The following SCAF11 variants were observed in gnomAD, a reference collection of about 807,000 sequenced individuals.
The protein encoded by SCAF11 is protein SCAF11.
A neutral mutation model predicts 140.5 loss-of-function variants in SCAF11; 47 were observed. That is an observed-to-expected ratio of 0.33 (90% CI 0.26 to 0.43). SCAF11 has a LOEUF of 0.43. Among genes scored for constraint, SCAF11 ranks in the 20% least tolerant of loss-of-function variants. The pLI is 1.00. For missense variants in SCAF11, 1,645 were observed against 1,705.1 expected (o/e 0.96, Z 0.62); for synonymous variants, 557 against 579.4 (o/e 0.96, Z 0.55).
In SCAF11 at chr12:45,943,555, AG is replaced by A. The variant is rs541010820; in HGVS notation, c.463+1693del. 9.2e-3 allele frequency among the ~76,000 whole-genome samples: 1,397 copies of A among 152,316 alleles called. 9 individuals carry two copies. Among genetic ancestry groups the A allele is most frequent in the Middle Eastern group, 0.017 (5 of 294 alleles). On this transcript the variant is annotated intron_variant, in intron 6 of 14. Transcript: ENST00000369367. Reference sequence around the variant, plus strand: ...AACTTTATCATGGGTATGTACATATAGGAAAAAACAAAATATACACAGAGTT... The same window carrying A: ...AACTTTATCATGGGTATGTACATATAGAAAAAACAAAATATACACAGAGTT...
In SCAF11 at chr12:45,922,983, C is replaced by T; in HGVS notation, c.4078G>A (p.Val1360Ile). 1 of 1,614,234 alleles carries T rather than the reference C, an allele frequency of 6.2e-7. No individual in the cohort carries two copies. Among genetic ancestry groups the T allele is most frequent in the South Asian group, 1.1e-5 (1 of 91,088 alleles). The change falls in exon 13 of 15, where the codon GTA becomes ATA. Residue 1360 changes from valine (V) to isoleucine (I), a missense_variant. Physicochemically the swap from Val to Ile is conservative, Grantham distance 29. Transcript: ENST00000369367. ...GCGCTGGCTTCCACTGCAACACTTA[C>T]TTTGCTTTCTGCCAATTTTACAGCA... Reference protein sequence around the residue: ...NAAVKLAESKVSVAVEASADS... With the variant: ...NAAVKLAESKISVAVEASADS...
At chr12:45,950,787 A>T (rs1945531437) in intron 4 of SCAF11, among the ~76,000 whole-genome samples, 1 of 152,170 alleles carries the variant, frequency 6.6e-6, no homozygotes, top group Non-Finnish European at 1.5e-5. Flanking sequence ...AAAGACAAAT[A>T]ATTAAATAGT....
chr12:45,936,120 T>C (rs895837946), intron 6 of SCAF11, among the ~76,000 whole-genome samples: 1 of 151,946 alleles, frequency 6.6e-6, no homozygotes, highest in Non-Finnish European at 1.5e-5. Flanking sequence ...ATAACACCCT[T>C]ATACTACTCT....
intron 1 of SCAF11, chr12:45,974,086 C>G (rs1364997450): frequency 2.4e-6 from 1 of 412,300 alleles, no homozygotes. Context: ...GCAAGTCACA[C>G]AAAATTTTTG....
intron 1 of SCAF11, among the ~76,000 whole-genome samples, chr12:45,978,071 A>G (rs1240869347): frequency 1.3e-5 from 2 of 152,214 alleles, no homozygotes; most frequent in African/African-American, 2.4e-5. Context: ...ATTTAAGAAA[A>G]TACAAATGAG....
intron 1 of SCAF11, among the ~76,000 whole-genome samples, chr12:45,970,527 G>T (rs1260194363): frequency 1.3e-5 from 2 of 152,228 alleles, no homozygotes; most frequent in African/African-American, 4.8e-5. Flanking sequence ...AGGGAAAGTA[G>T]AAGCAGTCTC....
intron 6 of SCAF11, among the ~76,000 whole-genome samples, chr12:45,938,564 G>C (rs1422468652): frequency 6.6e-6 from 1 of 151,964 alleles, no homozygotes; most frequent in African/African-American, 2.4e-5. Context: ...GTAGAGATTT[G>C]GGATGAGAGG....
chr12:45,972,855 T>G (rs1403514019), intron 1 of SCAF11, among the ~76,000 whole-genome samples: 1 of 127,788 alleles, frequency 7.8e-6, no homozygotes, highest in Non-Finnish European at 1.6e-5. Flanking sequence ...CCAGTATATA[T>G]ATATATATCG....
At chr12:45,942,017 T>C (rs1945314052) in intron 6 of SCAF11, among the ~76,000 whole-genome samples, 1 of 152,218 alleles carries the variant, frequency 6.6e-6, no homozygotes, top group Non-Finnish European at 1.5e-5. Flanking sequence ...CAATGAACAG[T>C]AAATGTATTT....
rs149461689 is a variant in SCAF11, at chr12:45,952,616, T to C, written c.220-889A>G. Among the ~76,000 whole-genome samples, 1,098 of 152,316 alleles carry C rather than the reference T, an allele frequency of 7.2e-3. 10 individuals carry two copies. The highest frequency in any genetic ancestry group is 0.025 in the African/African-American group (1,039 of 41,574). ...ATTATCTTGCTTTATTTCCTGTCCT[T>C]TTAAAATTCCTGTGCATCAACTCTA... On this transcript the variant is annotated intron_variant, in intron 3 of 14. Coordinates refer to ENST00000369367, the MANE Select transcript of SCAF11 (RefSeq NM_004719.3).
At chr12:45,958,200 T>C (rs1945744387) in intron 3 of SCAF11, among the ~76,000 whole-genome samples, 2 of 152,154 alleles carry the variant, frequency 1.3e-5, no homozygotes, top group South Asian at 4.1e-4. Flanking sequence ...CCATCATGCC[T>C]GGCCAATAAA....
chr12:45,961,150 A>G (rs1945816168), intron 3 of SCAF11: 1 of 548,504 alleles, frequency 1.8e-6, no homozygotes, highest in Non-Finnish European at 3.3e-6. Flanking sequence ...CAGGAATTAG[A>G]AAATCAGTTC....
chr12:45,963,551 T>A (rs1945872680), intron 2 of SCAF11, among the ~76,000 whole-genome samples: 1 of 152,166 alleles, frequency 6.6e-6, no homozygotes, highest in Non-Finnish European at 1.5e-5. Context: ...ATTCAGAGTT[T>A]ACCACCAATA....
At chr12:45,961,897 C>T (rs764726386) in intron 2 of SCAF11, 40 bp from the exon 3 acceptor site, 41 of 1,534,128 alleles carry the variant, frequency 2.7e-5, no homozygotes, top group Non-Finnish European at 3.4e-5. Context: ...TCAAGTTCTC[C>T]AGACCAAAAA....
rs149653249 is a variant in SCAF11 at position 45,928,242 on chromosome 12, C to T, written c.1459G>A (p.Gly487Ser). ...AGTTTTTTAACTTCCCCTTCCTCAC[C>T]AACTAGCACAGGAAGATCTTGAGCA... is the stretch of plus-strand genomic sequence containing the variant. ...SCAQDLPVLV[G>S]EEGEVKKLEN... The change falls in exon 11 of 15, where the codon GGT (glycine) becomes AGT (serine). Residue 487 changes from glycine to serine, a missense_variant. Physicochemically the swap from Gly to Ser is moderately conservative, Grantham distance 56 (BLOSUM62 0). Transcript: ENST00000369367. The T allele has an allele frequency of 2.5e-6, 4 of 1,613,866 alleles. No individual in the cohort carries two copies. The African/African-American group carries it at 5.3e-5, about 22-fold the overall frequency.
At position 45,933,518 on chromosome 12, in the gene SCAF11, A is replaced by C. The variant is rs1945103418; in HGVS notation, c.633-286T>G. 2.6e-5 allele frequency among the ~76,000 whole-genome samples: 4 copies of C among 152,152 alleles called. No homozygotes were observed. In the South Asian group the frequency reaches 8.3e-4, roughly 31 times the overall value. On this transcript the variant is annotated intron_variant, in intron 8 of 14. Transcript: ENST00000369367. ...TTTTAAATAAAGTCAAGTCAGAGTA[A>C]TATCCTCATTATTGAAAGGAAGAAA...
intron 6 of SCAF11, among the ~76,000 whole-genome samples, chr12:45,937,955 A>G (rs910659008): frequency 1.3e-5 from 2 of 152,148 alleles, no homozygotes; most frequent in African/African-American, 2.4e-5. Context: ...AAACCACCCC[A>G]TATCTCTGCC....
chr12:45,983,964 G>A (rs756679705), intron 1 of SCAF11, among the ~76,000 whole-genome samples: 3 of 152,138 alleles, frequency 2.0e-5, no homozygotes, highest in Admixed American at 1.3e-4. Context: ...TAAAGATTGA[G>A]AACACTTTTA....
At chr12:45,946,106 C>G (rs147906788) in intron 5 of SCAF11, among the ~76,000 whole-genome samples, 1 of 152,146 alleles carries the variant, frequency 6.6e-6, no homozygotes, top group Non-Finnish European at 1.5e-5. Flanking sequence ...TTAGGAAATT[C>G]TAGCAAAGAA....
Sources: gnomAD v4.1 joint callset for allele counts (sites outside exome capture counted in the v4.1 genomes callset) on GRCh38, gnomAD v4.1.1 for gene constraint, MANE v1.5 for transcripts, NCBI Gene and HGNC (gene_info 2026-07-23, HGNC 2026-07-21) for gene names.